Variants in PER3 observed in about 807,000 individuals in gnomAD.
PER3 encodes the protein period circadian protein homolog 3.
PER3 carries 107 observed loss-of-function variants against 127.2 expected under a neutral mutation model. The observed-to-expected ratio is 0.84, with a 90% CI of 0.72 to 0.99. The LOEUF (loss-of-function observed/expected upper bound fraction) is 0.99. PER3 is among the 50% of genes least tolerant of loss of function. The pLI, the probability that PER3 is intolerant of heterozygous loss-of-function variation, is 0.00. For missense variants in PER3, 1,560 were observed against 1,525.8 expected (o/e 1.02, Z -0.37); for synonymous variants, 618 against 585.8 (o/e 1.05, Z -0.79).
chr1:7,839,527 G>A (rs2097374377), intron 21 of PER3, among the ~76,000 whole-genome samples: 3 of 152,208 alleles, frequency 2.0e-5, no homozygotes, highest in Admixed American at 1.3e-4. Context: ...GTTACTGTCA[G>A]TGTCCTTTCA....
intron 10 of PER3, 69 bp downstream of exon 10, chr1:7,803,917 C>A: frequency 1.6e-6 from 2 of 1,273,844 alleles, no homozygotes; most frequent in Non-Finnish European, 2.2e-6. Context: ...AGCTTATTGA[C>A]TGCCCTCTGA....
At chr1:7,806,661 G>A (rs1194508499) in intron 10 of PER3, among the ~76,000 whole-genome samples, 1 of 151,250 alleles carries the variant, frequency 6.6e-6, no homozygotes, top group South Asian at 2.1e-4. Flanking sequence ...GGGCATGGTG[G>A]TACGTGCCTG....
At chr1:7,833,763 AG>A (rs1370639610) in intron 19 of PER3, among the ~76,000 whole-genome samples, 1 of 152,168 alleles carries the variant, frequency 6.6e-6, no homozygotes, top group Non-Finnish European at 1.5e-5. Context: ...GTTAGGTTTA[AG>A]TTAAATCTTT....
intron 19 of PER3, among the ~76,000 whole-genome samples, chr1:7,835,014 T>C (rs2097351212): frequency 6.6e-6 from 1 of 152,158 alleles, no homozygotes; most frequent in Non-Finnish European, 1.5e-5. Context: ...GGTACATATA[T>C]CATTAATTGT....
At chr1:7,800,637 CTT>C (rs1040423502) in intron 7 of PER3, among the ~76,000 whole-genome samples, 1 of 152,020 alleles carries the variant, frequency 6.6e-6, no homozygotes, top group Non-Finnish European at 1.5e-5. Context: ...TCTGATTAAA[CTT>C]TTTAGTTACT....
chr1:7,809,466 G>C (rs1056410933), intron 11 of PER3, among the ~76,000 whole-genome samples: 1 of 152,170 alleles, frequency 6.6e-6, no homozygotes, highest in Non-Finnish European at 1.5e-5. Flanking sequence ...GTGTCGTGTA[G>C]AGTAACTGTC....
In PER3 at chr1:7,808,994, T is replaced by G; in HGVS notation, c.1238T>G (p.Leu413Ter). The G allele has an allele frequency of 6.9e-7, 1 of 1,449,988 alleles. No homozygotes were observed. The highest frequency in any genetic ancestry group is 9.7e-7 in the Non-Finnish European group (1 of 1,033,288). 89.8% of individuals were successfully genotyped at this position (1,449,988 alleles called of 1,614,324 possible). Reference sequence around the variant, plus strand: ...CAAGAACAAATTTACAAACTTCTCTTACAGGTAAGGTGAGATTGTTAAAAA... The same window carrying G: ...CAAGAACAAATTTACAAACTTCTCTGACAGGTAAGGTGAGATTGTTAAAAA... ...ELQEQIYKLL[L>*]QPVHVSVSSG... Residue 413 changes from leucine to a stop codon, truncating the protein, a stop_gained, in exon 11 of 22, where the codon TTA becomes TGA. Coordinates refer to ENST00000377532, the MANE Select transcript of PER3 (RefSeq NM_001377275.1). LOFTEE classifies it high-confidence loss of function.
Position 7,844,597 on chromosome 1 carries a change from A to G in PER3, c.*1842A>G, listed in dbSNP as rs1329854463. On this transcript the variant is annotated 3_prime_UTR_variant, in exon 22 of 22. Transcript: ENST00000377532. The stretch of plus-strand genomic sequence containing the variant: ...CCTTTCTTTTCCATTGTTTCTGGAT[A>G]TTTGTATTATCCAAATGTGCTTATT... 2 of 152,804 alleles carry G rather than the reference A, an allele frequency of 1.3e-5. No homozygotes were observed. Among genetic ancestry groups the G allele is most frequent in the Non-Finnish European group, 2.9e-5 (2 of 68,046 alleles). 9.5% of individuals were successfully genotyped at this position (152,804 alleles called of 1,614,324 possible).
intron 2 of PER3, 23 bp downstream of exon 2, chr1:7,785,028 AG>A: frequency 6.4e-7 from 1 of 1,565,612 alleles, no homozygotes; most frequent in Admixed American, 2.1e-5. Flanking sequence ...CTTCAGGCCG[AG>A]GGCCCCATGC....
intron 21 of PER3, among the ~76,000 whole-genome samples, chr1:7,841,538 G>A (rs185312407): frequency 1.3e-5 from 2 of 152,252 alleles, no homozygotes; most frequent in East Asian, 1.9e-4. Context: ...GGCAACCACA[G>A]CTTACCGTCT....
chr1:7,813,979 C>A (rs138089608), intron 13 of PER3, among the ~76,000 whole-genome samples: 1,778 of 152,262 alleles, frequency 0.012, 31 homozygotes, highest in African/African-American at 0.041. Flanking sequence ...TGGGTAATCA[C>A]AGCGTAGAGA....
intron 3 of PER3, among the ~76,000 whole-genome samples, chr1:7,785,948 A>G (rs2097087336): frequency 6.6e-6 from 1 of 152,244 alleles, no homozygotes; most frequent in African/African-American, 2.4e-5. Flanking sequence ...TACATGCCGT[A>G]CACATACTTT....
chr1:7,829,231 C>T (rs536709226), intron 18 of PER3, among the ~76,000 whole-genome samples: 1 of 152,228 alleles, frequency 6.6e-6, no homozygotes, highest in African/African-American at 2.4e-5. Flanking sequence ...CTATACATAT[C>T]TATGGTAAAG....
intron 10 of PER3, chr1:7,804,081 G>A (rs762667052): frequency 6.2e-5 from 23 of 372,070 alleles, no homozygotes; most frequent in African/African-American, 8.3e-5. Context: ...TGGAATATTT[G>A]CTTGATGTAT....
intron 10 of PER3, among the ~76,000 whole-genome samples, chr1:7,804,579 T>G (rs2097184976): frequency 6.6e-6 from 1 of 151,964 alleles, no homozygotes; most frequent in African/African-American, 2.4e-5. Context: ...TCTTGTATTT[T>G]TTGTAGAGAT....
rs1311067597 is a variant in PER3 at position 7,841,547 on chromosome 1, C to CT, written c.3550-1124dup. 7.9e-5 allele frequency among the ~76,000 whole-genome samples: 12 copies of CT among 152,268 alleles called. 1 individual carries two copies. The highest frequency in any genetic ancestry group is 3.4e-3 in the Middle Eastern group (1 of 294). On this transcript the variant is annotated intron_variant, in intron 21 of 21. Transcript: ENST00000377532. ...ACCACAGGCAACCACAGCTTACCGT[C>CT]TAAGCATTTCCTAGAAAGTTGCAGG... is the stretch of plus-strand genomic sequence containing the variant.
intron 6 of PER3, among the ~76,000 whole-genome samples, chr1:7,794,473 C>T (rs2097136099): frequency 6.6e-6 from 1 of 151,912 alleles, no homozygotes; most frequent in Non-Finnish European, 1.5e-5. Context: ...AGCCTGGCAA[C>T]AGAGCGAGAC....
At chr1:7,788,625 T>C (rs2097103444) in intron 5 of PER3, 1 of 203,546 alleles carries the variant, frequency 4.9e-6, no homozygotes, top group Admixed American at 5.3e-5. Context: ...ATCATTAGGC[T>C]GGGCAAGGTG....
At chr1:7,793,071 C>G (rs2097129230) in intron 5 of PER3, among the ~76,000 whole-genome samples, 1 of 152,224 alleles carries the variant, frequency 6.6e-6, no homozygotes, top group Non-Finnish European at 1.5e-5. Context: ...ACCTGGGCTG[C>G]TTATTCAATA....
Sources: gnomAD v4.1 joint callset for allele counts (sites outside exome capture counted in the v4.1 genomes callset) on GRCh38, gnomAD v4.1.1 for gene constraint, MANE v1.5 for transcripts, NCBI Gene and HGNC (gene_info 2026-07-23, HGNC 2026-07-21) for gene names.